The following LDB2 variants were observed in gnomAD, a reference collection of about 807,000 sequenced individuals.
LDB2 encodes LIM domain binding 2.
Under a neutral mutation model 44.3 loss-of-function variants are expected in LDB2, and 12 were observed. The ratio of observed to expected loss-of-function variants is 0.27; its 90% CI spans 0.17 to 0.44. The LOEUF (loss-of-function observed/expected upper bound fraction) is 0.44, where lower values mean the gene tolerates loss of function less well. Ranked by LOEUF, LDB2 falls within the 20% of genes least tolerant of loss-of-function variation. The pLI is 1.00. For missense variants in LDB2, 344 were observed against 473.5 expected (o/e 0.73, Z 2.54); for synonymous variants, 164 against 174.8 (o/e 0.94, Z 0.49).
At chr4:16,585,368 A>G (rs1444079295) in intron 5 of LDB2, among the ~76,000 whole-genome samples, 1 of 152,176 alleles carries the variant, frequency 6.6e-6, no homozygotes, top group Non-Finnish European at 1.5e-5. Flanking sequence ...GCCTCTTGTC[A>G]GGCCTGGATT....
intron 4 of LDB2, among the ~76,000 whole-genome samples, chr4:16,587,430 T>C (rs1717392407): frequency 6.6e-6 from 1 of 152,222 alleles, no homozygotes; most frequent in African/African-American, 2.4e-5. Flanking sequence ...GTGGTCTCAA[T>C]CCAGGGCCCA....
chr4:16,845,517 G>C (rs1786800423), intron 1 of LDB2, among the ~76,000 whole-genome samples: 3 of 152,098 alleles, frequency 2.0e-5, no homozygotes, highest in Admixed American at 1.3e-4. Flanking sequence ...TGTTTGTTAT[G>C]GTTGCTAATA....
chr4:16,515,941 G>A (rs547770313), intron 5 of LDB2, among the ~76,000 whole-genome samples: 9 of 152,022 alleles, frequency 5.9e-5, no homozygotes, highest in Middle Eastern at 6.9e-3. Flanking sequence ...TTGGCTCACC[G>A]CAAGCTCTGC....
intron 5 of LDB2, among the ~76,000 whole-genome samples, chr4:16,526,104 G>A (rs533489518): frequency 3.3e-5 from 5 of 152,286 alleles, no homozygotes; most frequent in Admixed American, 1.3e-4. Flanking sequence ...GGGTATGTCC[G>A]AGAGGTTGTT....
chr4:16,897,941 CATATGT>C (rs1234751924), intron 1 of LDB2, among the ~76,000 whole-genome samples: 36 of 10,500 alleles, frequency 3.4e-3, no homozygotes, highest in African/African-American at 0.016. Flanking sequence ...TATATATACA[CATATGT>C]ATATATATAT....
chr4:16,878,691 A>T (rs1719139931), intron 1 of LDB2, among the ~76,000 whole-genome samples: 4 of 152,246 alleles, frequency 2.6e-5, no homozygotes, highest in Admixed American at 6.5e-5. Flanking sequence ...CCCAACCTGC[A>T]TCATCAGCTT....
chr4:16,810,561 TAA>T (rs1779644932), intron 1 of LDB2, among the ~76,000 whole-genome samples: 5 of 151,006 alleles, frequency 3.3e-5, no homozygotes, highest in Non-Finnish European at 7.4e-5. Context: ...ATCAAATCAG[TAA>T]AAGGTTTTCA....
At chr4:16,826,983 T>G (rs1264142266) in intron 1 of LDB2, among the ~76,000 whole-genome samples, 1 of 152,122 alleles carries the variant, frequency 6.6e-6, no homozygotes, top group Admixed American at 6.5e-5. Context: ...ATCATAATCA[T>G]GATTCAGAGA....
intron 2 of LDB2, among the ~76,000 whole-genome samples, chr4:16,744,005 C>T (rs941321561): frequency 2.0e-5 from 3 of 152,206 alleles, no homozygotes; most frequent in African/African-American, 2.4e-5. Flanking sequence ...TCCCCCTATA[C>T]TTGGCTCTAA....
Position 16,772,055 on chromosome 4 carries a change from G to A in LDB2, c.133-12795C>T, listed in dbSNP as rs137973299. On this transcript the variant is annotated intron_variant, in intron 1 of 7. Coordinates refer to ENST00000304523, the MANE Select transcript of LDB2 (RefSeq NM_001290.5). ...GTTCTTACCTTGGGGACCTTCCTTCGGGCCCAGGGCTGCACTCCACTACAC... is the reference window on the plus strand; with the variant it reads ...GTTCTTACCTTGGGGACCTTCCTTCAGGCCCAGGGCTGCACTCCACTACAC... 9.1e-4 allele frequency among the ~76,000 whole-genome samples: 139 copies of A among 152,086 alleles called. No individual in the cohort carries two copies. The East Asian group carries it at 0.021, about 23-fold the overall frequency.
At chr4:16,776,996 C>A (rs747070014) in intron 1 of LDB2, among the ~76,000 whole-genome samples, 2 of 152,174 alleles carry the variant, frequency 1.3e-5, no homozygotes, top group Non-Finnish European at 2.9e-5. Flanking sequence ...TTGTGACAAC[C>A]AAAAATGTCT....
At chr4:16,624,114 T>C (rs909014572) in intron 2 of LDB2, among the ~76,000 whole-genome samples, 7 of 152,260 alleles carry the variant, frequency 4.6e-5, no homozygotes, top group African/African-American at 1.7e-4. Context: ...TTGTTATCTA[T>C]GTAGATTTTA....
chr4:16,782,090 T>C (rs1028243889), intron 1 of LDB2, among the ~76,000 whole-genome samples: 11 of 152,228 alleles, frequency 7.2e-5, no homozygotes, highest in African/African-American at 2.7e-4. Context: ...GCCCACTTAC[T>C]TAACTGTGAG....
At chr4:16,661,092 C>A (rs972642790) in intron 2 of LDB2, among the ~76,000 whole-genome samples, 7 of 152,074 alleles carry the variant, frequency 4.6e-5, no homozygotes, top group Admixed American at 2.0e-4. Flanking sequence ...GAAATAATTA[C>A]TTTCCCCCAC....
chr4:16,585,080 T>C (rs1716271228), intron 5 of LDB2, among the ~76,000 whole-genome samples: 1 of 152,190 alleles, frequency 6.6e-6, no homozygotes, highest in Non-Finnish European at 1.5e-5. Context: ...AGCAGCCTTC[T>C]GGATTGTGGA....
At chr4:16,771,796 T>A (rs985757259) in intron 1 of LDB2, among the ~76,000 whole-genome samples, 2 of 152,154 alleles carry the variant, frequency 1.3e-5, no homozygotes, top group Non-Finnish European at 2.9e-5. Context: ...TGGACAACAA[T>A]GACTTTTTCC....
At chr4:16,713,268 T>C (rs1167923008) in intron 2 of LDB2, among the ~76,000 whole-genome samples, 2 of 152,266 alleles carry the variant, frequency 1.3e-5, no homozygotes, top group Non-Finnish European at 2.9e-5. Flanking sequence ...GTGGTGCTAG[T>C]TGCACAACTC....
intron 5 of LDB2, among the ~76,000 whole-genome samples, chr4:16,552,691 C>T (rs112474167): frequency 2.6e-5 from 4 of 152,310 alleles, no homozygotes; most frequent in African/African-American, 9.6e-5. Context: ...AGCAATAGCT[C>T]CTTTCTCAAG....
chr4:16,843,183 T>C (rs1446887940), intron 1 of LDB2, among the ~76,000 whole-genome samples: 1 of 152,222 alleles, frequency 6.6e-6, no homozygotes, highest in Non-Finnish European at 1.5e-5. Flanking sequence ...ATCCAGTGAA[T>C]TTATTATAAG....
Sources: gnomAD v4.1 joint callset for allele counts (sites outside exome capture counted in the v4.1 genomes callset) on GRCh38, gnomAD v4.1.1 for gene constraint, MANE v1.5 for transcripts, NCBI Gene and HGNC (gene_info 2026-07-23, HGNC 2026-07-21) for gene names.